The following EFCAB8 variants were observed in gnomAD, a reference collection of about 807,000 sequenced individuals.
EFCAB8 encodes the protein EF-hand calcium binding domain 8.
Under a neutral mutation model 116.3 loss-of-function variants are expected in EFCAB8, and 100 were observed. That is an observed-to-expected ratio of 0.86 (90% CI 0.73 to 1.02). The LOEUF (loss-of-function observed/expected upper bound fraction) is 1.02. Among genes scored for constraint, EFCAB8 ranks in the 50% least tolerant of loss-of-function variants. EFCAB8 has a pLI of 0.00. For synonymous variants in EFCAB8, 558 were observed against 567.9 expected, an observed-to-expected ratio of 0.98 and a Z score of 0.25; for missense variants, 1,320 against 1,416.9, an observed-to-expected ratio of 0.93 and a Z score of 1.10.
intron 10 of EFCAB8, among the ~76,000 whole-genome samples, chr20:32,897,934 G>A (rs1207779257): frequency 2.0e-5 from 3 of 152,200 alleles, no homozygotes; most frequent in African/African-American, 7.2e-5. Flanking sequence ...TCTCTAGATT[G>A]GGAGGCCAAG....
intron 5 of EFCAB8, among the ~76,000 whole-genome samples, chr20:32,880,299 C>T (rs1295054290): frequency 6.7e-6 from 1 of 150,162 alleles, no homozygotes; most frequent in Non-Finnish European, 1.5e-5. Flanking sequence ...GACAGAGTCT[C>T]ACTCAGTTGC....
intron 22 of EFCAB8, among the ~76,000 whole-genome samples, chr20:32,940,023 CCCTTCCTTCCTT>C (rs757461144): frequency 0.04 from 2,221 of 55,292 alleles, 192 homozygotes; most frequent in Middle Eastern, 0.075. Flanking sequence ...CTCCCTCCCT[CCCTTCCTTCCTT>C]CCTTCCTTCC....
At chr20:32,919,859 G>A (rs950548338) in intron 19 of EFCAB8, among the ~76,000 whole-genome samples, 1 of 152,044 alleles carries the variant, frequency 6.6e-6, no homozygotes, top group South Asian at 2.1e-4. Context: ...CTTCCCCAGA[G>A]GCAAACTCAA....
chr20:32,938,736 C>G (rs1314583735), intron 22 of EFCAB8, among the ~76,000 whole-genome samples: 2 of 149,416 alleles, frequency 1.3e-5, no homozygotes, highest in Non-Finnish European at 3.0e-5. Flanking sequence ...AAACTTGATT[C>G]CTGAAAATTG....
Position 32,863,343 on chromosome 20 carries a change from C to T in EFCAB8, c.-10-440C>T, listed in dbSNP as rs1403432956. Among the ~76,000 whole-genome samples, 5 of 152,144 alleles carry T rather than the reference C, an allele frequency of 3.3e-5. No homozygotes were observed. The East Asian group carries it at 9.6e-4, about 29-fold the overall frequency. On this transcript the variant is annotated intron_variant, in intron 1 of 26. Transcript: ENST00000400522. ...CTCCCGAAGTCCTGGCTTGCAAGGG[C>T]ACTGGAAGGTGGGTGGGGAGGGTAT...
In EFCAB8 at chr20:32,959,980, C is replaced by G; in HGVS notation, c.3292C>G (p.Gln1098Glu). 1 of 1,551,548 alleles carries G rather than the reference C, an allele frequency of 6.4e-7. No homozygotes were observed. Among genetic ancestry groups the G allele is most frequent in the Non-Finnish European group, 8.7e-7 (1 of 1,146,928 alleles). The change falls in exon 25 of 27, where the codon CAG (glutamine) becomes GAG (glutamate). Residue 1098 changes from glutamine (Q) to glutamate (E), a missense_variant and splice_region_variant. Coordinates refer to ENST00000400522, the MANE Select transcript of EFCAB8 (RefSeq NM_001143967.2). The part of the protein sequence containing the change: ...SWNKWESRDK[Q>E]VSKVLGAAYK... ...GAACAAGTGGGAGTCCAGGGACAAGCAGGTGAGGCTGGGAGGGGAGCACAG... is the reference window on the plus strand; with the variant it reads ...GAACAAGTGGGAGTCCAGGGACAAGGAGGTGAGGCTGGGAGGGGAGCACAG...
At chr20:32,870,608 C>T (rs1406795857) in intron 3 of EFCAB8, among the ~76,000 whole-genome samples, 1 of 152,098 alleles carries the variant, frequency 6.6e-6, no homozygotes, top group Non-Finnish European at 1.5e-5. Flanking sequence ...AAGTGATCCT[C>T]CTGTCTCAGC....
Position 32,885,631 on chromosome 20 carries a change from C to T in EFCAB8, c.558C>T (p.Ser186=). Residue 186 remains serine (S), a synonymous_variant, in exon 6 of 27, where the codon AGC becomes AGT. Transcript: ENST00000400522. ...GGTCTGAGTCCTTCTCGCTGATGAG[C>T]TCCTTTAGGGTGAGTGGGGCCCCTA... ...QFWSESFSLM[S]SFRLNQTQQL... 6.4e-7 allele frequency: 1 copy of T among 1,551,738 alleles called. No individual in the cohort carries two copies. Among genetic ancestry groups the T allele is most frequent in the South Asian group, 1.2e-5 (1 of 84,062 alleles).
intron 11 of EFCAB8, among the ~76,000 whole-genome samples, chr20:32,901,735 T>A (rs966641051): frequency 6.6e-6 from 1 of 152,264 alleles, no homozygotes; most frequent in African/African-American, 2.4e-5. Context: ...GTGCCCAGGC[T>A]GGAGTGCGGT....
chr20:32,864,800 ATTAAG>A (rs956511700), intron 2 of EFCAB8, among the ~76,000 whole-genome samples: 6 of 152,198 alleles, frequency 3.9e-5, no homozygotes, highest in African/African-American at 9.7e-5. Flanking sequence ...TACAAATTAG[ATTAAG>A]TTAAGTTAAA....
chr20:32,898,824 A>C (rs183053927), intron 11 of EFCAB8, among the ~76,000 whole-genome samples: 1 of 152,344 alleles, frequency 6.6e-6, no homozygotes, highest in East Asian at 1.9e-4. Context: ...CTCAGCATAG[A>C]AGCCAGCACA....
At chr20:32,885,725 G>A in intron 6 of EFCAB8, 85 bp downstream of exon 6, 1 of 1,498,804 alleles carries the variant, frequency 6.7e-7, no homozygotes, top group Non-Finnish European at 9.0e-7. Context: ...GTGACCTGGA[G>A]CCAGGCAGAT....
At chr20:32,862,699 C>T (rs1984173793) in intron 1 of EFCAB8, among the ~76,000 whole-genome samples, 1 of 152,128 alleles carries the variant, frequency 6.6e-6, no homozygotes, top group Non-Finnish European at 1.5e-5. Context: ...TCGATCTCGG[C>T]TCATGGCAAC....
chr20:32,919,560 G>T (rs1251107989), intron 19 of EFCAB8, among the ~76,000 whole-genome samples: 1 of 152,020 alleles, frequency 6.6e-6, no homozygotes, highest in Non-Finnish European at 1.5e-5. Context: ...GCAGTGGCGT[G>T]GTCTTCGCTC....
rs1366084122 is a variant in EFCAB8 at position 32,930,429 on chromosome 20, C to T, written c.2444C>T (p.Pro815Leu). The change falls in exon 21 of 27, where the codon CCG (proline) becomes CTG (leucine). Residue 815 changes from proline (P) to leucine (L), a missense_variant. Coordinates refer to ENST00000400522, the MANE Select transcript of EFCAB8 (RefSeq NM_001143967.2). ...IIFLQTRPRL[P>L]HTAALLSSCM... is the part of the protein sequence containing the mutation. ...TTCCTGCAGACCAGGCCTCGCCTGC[C>T]GCACACGGCTGCCCTGCTGAGCAGC... 83 of 1,551,486 alleles carry T rather than the reference C, an allele frequency of 5.3e-5. No homozygotes were observed. The highest frequency in any genetic ancestry group is 9.8e-5 in the Admixed American group (5 of 50,986).
chr20:32,919,303 C>T (rs1987341889), intron 19 of EFCAB8, among the ~76,000 whole-genome samples: 1 of 152,168 alleles, frequency 6.6e-6, no homozygotes, highest in Admixed American at 6.5e-5. Context: ...CGTCCCCAAA[C>T]ACACAATAAT....
At chr20:32,883,680 C>G (rs1985456234) in intron 5 of EFCAB8, among the ~76,000 whole-genome samples, 1 of 151,970 alleles carries the variant, frequency 6.6e-6, no homozygotes, top group Admixed American at 6.6e-5. Context: ...AAGGTCAAGC[C>G]TTCACTGGTC....
chr20:32,919,601 A>G (rs1987354114), intron 19 of EFCAB8, among the ~76,000 whole-genome samples: 1 of 152,006 alleles, frequency 6.6e-6, no homozygotes, highest in African/African-American at 2.4e-5. Flanking sequence ...GGTTCAAGCA[A>G]TTCTCCTGCC....
At position 32,939,051 on chromosome 20, in the gene EFCAB8, C is replaced by CTCTT. The variant is rs369394983; in HGVS notation, c.2791-4573_2791-4570dup. 7.1e-3 allele frequency among the ~76,000 whole-genome samples: 837 copies of CTCTT among 118,318 alleles called. 47 individuals are homozygous for CTCTT. Among genetic ancestry groups the CTCTT allele is most frequent in the African/African-American group, 0.025 (796 of 31,296 alleles). 77.6% of individuals were successfully genotyped at this position (118,318 alleles called of 152,430 possible). ...CTCCCTCCTTCCTTCCTTCGTTTCTCTCTTTCTTTCTTTCTCTCTCCCCAA... is the reference window on the plus strand; with the variant it reads ...CTCCCTCCTTCCTTCCTTCGTTTCTCTCTTTCTTTCTTTCTTTCTCTCTCCCCAA... On this transcript the variant is annotated intron_variant, in intron 22 of 26. Coordinates refer to ENST00000400522, the MANE Select transcript of EFCAB8 (RefSeq NM_001143967.2).
Sources: gnomAD v4.1 joint callset for allele counts (sites outside exome capture counted in the v4.1 genomes callset) on GRCh38, gnomAD v4.1.1 for gene constraint, MANE v1.5 for transcripts, NCBI Gene and HGNC (gene_info 2026-07-23, HGNC 2026-07-21) for gene names.